CHAD: variants seen among roughly 807,000 people sequenced by gnomAD.
CHAD encodes the protein cartilage leucine-rich protein.
In CHAD, 18 loss-of-function variants were observed where a neutral mutation model predicts 24.0. The observed-to-expected ratio is 0.75, with a 90% CI of 0.52 to 1.11. The LOEUF is 1.11. CHAD is among the 50% of genes most tolerant of loss of function. The pLI is 0.00. For missense variants in CHAD, 440 were observed against 467.2 expected (o/e 0.94, Z 0.54); for synonymous variants, 195 against 211.6 (o/e 0.92, Z 0.68).
Position 50,464,772 on chromosome 17 carries a change from G to GGGC in CHAD, c.*281_*282insGCC, listed in dbSNP as rs1555611942. ...CCTGTTGTGGTTCTGATTGACTTGG[G>GGGC]GGGGGGGTCTCAGCAACAGCTTCTC... On this transcript the variant is annotated 3_prime_UTR_variant, in exon 4 of 4. Coordinates refer to ENST00000508540, the MANE Select transcript of CHAD (RefSeq NM_001267.3). 3.6e-5 allele frequency: 12 copies of GGGC among 329,954 alleles called. No individual in the cohort carries two copies. The highest frequency in any genetic ancestry group is 7.1e-5 in the Non-Finnish European group (12 of 169,704). 20.4% of individuals were successfully genotyped at this position (329,954 alleles called of 1,614,324 possible). A position where few individuals can be genotyped will look rare whatever the true frequency, so the allele number is the denominator to read the frequency against.
rs147638039 is a variant in CHAD, at chr17:50,468,249, C to T, written c.565G>A (p.Gly189Arg). The change falls in exon 1 of 4, where the codon GGG (glycine) becomes AGG (arginine). Residue 189 changes from glycine (G) to arginine (R), a missense_variant. Transcript: ENST00000508540. ...SENALSSLQP[G>R]ALDDVENLAK... ...AGGTTCTCCACGTCGTCCAGGGCCC[C>T]GGGCTGCAGGGAGCTCAACGCGTTT... The T allele has an allele frequency of 5.6e-6, 9 of 1,611,362 alleles. No homozygotes were observed. The East Asian group carries it at 1.1e-4, about 20-fold the overall frequency.
intron 1 of CHAD, among the ~76,000 whole-genome samples, chr17:50,467,026 AT>A (rs1456910520): frequency 6.6e-5 from 10 of 152,118 alleles, no homozygotes; most frequent in African/African-American, 2.4e-4. Flanking sequence ...TGTGGCCCAC[AT>A]TGAGGTATGA....
Position 50,465,376 on chromosome 17 carries a change from G to T in CHAD, c.1002C>A (p.Gly334=), listed in dbSNP as rs763544208. The change falls in exon 3 of 4, where the codon GGC becomes GGA. Residue 334 remains glycine (G), a synonymous_variant. Transcript: ENST00000508540. The part of the protein sequence containing the change: ...ATCASPAKFK[G]QHIRDTDAFR... ...AGGCGTCCGTGTCACGGATGTGCTG[G>T]CCCTTGAACTTGGCAGGTGAGGCAC... 3.7e-6 allele frequency: 6 copies of T among 1,613,920 alleles called. No homozygotes were observed. The African/African-American group carries it at 8.0e-5, about 22-fold the overall frequency.
At position 50,465,452 on chromosome 17, in the gene CHAD, A is replaced by C; in HGVS notation, c.939-13T>G. The C allele has an allele frequency of 6.2e-7, 1 of 1,613,420 alleles. No individual in the cohort carries two copies. The highest frequency in any genetic ancestry group is 8.5e-7 in the Non-Finnish European group (1 of 1,179,860). ...GGCTTCCAGCCACCTGGAGAGACAG[A>C]AACTTGCTGGGGCTGGGGAAGAAGG... On this transcript the variant is annotated splice_polypyrimidine_tract_variant and intron_variant, in intron 2 of 3. Transcript: ENST00000508540.
Position 50,465,367 on chromosome 17 carries a change from G to T in CHAD, c.1011C>A (p.Ile337=). The T allele has an allele frequency of 2.5e-6, 4 of 1,614,080 alleles. No individual in the cohort carries two copies. Among genetic ancestry groups the T allele is most frequent in the Non-Finnish European group, 3.4e-6 (4 of 1,180,030 alleles). ...AGCTGCGGAAGGCGTCCGTGTCACG[G>T]ATGTGCTGGCCCTTGAACTTGGCAG... The part of the protein sequence containing the change: ...ASPAKFKGQH[I]RDTDAFRSCK... Residue 337 remains isoleucine, a synonymous_variant, in exon 3 of 4, where the codon ATC becomes ATA. Transcript: ENST00000508540.
At chr17:50,465,670 A>G in intron 2 of CHAD, 37 bp downstream of exon 2, 1 of 1,610,548 alleles carries the variant, frequency 6.2e-7, no homozygotes, top group African/African-American at 1.3e-5. Flanking sequence ...CTATCACATG[A>G]GGGTGGGCTC....
At chr17:50,467,647 A>C (rs1277350429) in intron 1 of CHAD, among the ~76,000 whole-genome samples, 1 of 152,150 alleles carries the variant, frequency 6.6e-6, no homozygotes, top group African/African-American at 2.4e-5. Context: ...TCAATAAACA[A>C]ACCTTCCTTT....
In CHAD at chr17:50,468,222, C is replaced by T. The variant is rs558824127; in HGVS notation, c.592G>A (p.Ala198Thr). 32 of 1,612,748 alleles carry T rather than the reference C, an allele frequency of 2.0e-5. No individual in the cohort carries two copies. Among genetic ancestry groups the T allele is most frequent in the Middle Eastern group, 1.7e-4 (1 of 6,054 alleles). ...TGGTTCCTGTCCACGTGGAATTTGG[C>T]GAGGTTCTCCACGTCGTCCAGGGCC... ...PGALDDVENL[A>T]KFHVDRNQLS... The change falls in exon 1 of 4, where the codon GCC (alanine) becomes ACC (threonine). Residue 198 changes from alanine (A) to threonine (T), a missense_variant. Transcript: ENST00000508540.
At chr17:50,465,605 G>A (rs1285792737) in intron 2 of CHAD, 102 bp downstream of exon 2, 18 of 1,496,564 alleles carry the variant, frequency 1.2e-5, no homozygotes, top group Admixed American at 1.8e-5. Flanking sequence ...ATGCTTATTA[G>A]GTAGCAGATC....
rs752238955 is a variant in CHAD, at chr17:50,468,548, T to C, written c.266A>G (p.Glu89Gly). 2.7e-5 allele frequency: 44 copies of C among 1,614,224 alleles called. 1 individual carries two copies. In the Middle Eastern group the frequency reaches 8.3e-4, roughly 30 times the overall value. Residue 89 changes from glutamate (E) to glycine (G), a missense_variant, in exon 1 of 4, where the codon GAG (glutamate) becomes GGG (glycine). Transcript: ENST00000508540. ...GCCGCGGAAGGCACCGGCGGCCACC[T>C]CGCGGATCTGGCAGTGCTGCAGGTG... ...SLHLQHCQIR[E>G]VAAGAFRGLK...
Position 50,465,034 on chromosome 17 carries a change from C to G in CHAD, c.*20G>C. ...GGAAGGCAGAGGCCAGTCACCAGGA[C>G]TGGCTGGGTCAGAACCTGCAAAGAG... On this transcript the variant is annotated 3_prime_UTR_variant, in exon 4 of 4. Coordinates refer to ENST00000508540, the MANE Select transcript of CHAD (RefSeq NM_001267.3). 2.0e-6 allele frequency: 1 copy of G among 494,634 alleles called. No individual in the cohort carries two copies. Among genetic ancestry groups the G allele is most frequent in the East Asian group, 3.7e-5 (1 of 26,782 alleles). The allele number at this position is 494,634 out of a possible 1,614,324, so 30.6% of individuals were successfully genotyped here. A position where few individuals can be genotyped will look rare whatever the true frequency, so the allele number is the denominator to read the frequency against.
In CHAD at chr17:50,468,783, C is replaced by T. The variant is rs372652283; in HGVS notation, c.31G>A (p.Gly11Ser). 3 of 1,566,774 alleles carry T rather than the reference C, an allele frequency of 1.9e-6. No homozygotes were observed. The highest frequency in any genetic ancestry group is 2.4e-5 in the East Asian group (1 of 42,526). MVRPMLLLSL[G>S]LLAGLLPALA... is the part of the protein sequence containing the mutation. ...GCCGGCAGCAGACCAGCCAGGAGGC[C>T]GAGGCTGAGCAAGAGCATTGGGCGG... Residue 11 changes from glycine to serine, a missense_variant, in exon 1 of 4, where the codon GGC (glycine) becomes AGC (serine). Gly to Ser is a moderately conservative substitution (Grantham distance 56, BLOSUM62 0). Coordinates refer to ENST00000508540, the MANE Select transcript of CHAD (RefSeq NM_001267.3).
In CHAD at chr17:50,468,305, G is replaced by C. The variant is rs767896249; in HGVS notation, c.509C>G (p.Ala170Gly). ...RELRAGAFQG[A>G]KDLRWLYLSE... ...CAGGTAGAGCCAGCGCAGGTCCTTG[G>C]CTCCCTGGAAGGCGCCTGCGCGCAG... is the stretch of plus-strand genomic sequence containing the variant. The change falls in exon 1 of 4, where the codon GCC (alanine) becomes GGC (glycine). Residue 170 changes from alanine (A) to glycine (G), a missense_variant. Coordinates refer to ENST00000508540, the MANE Select transcript of CHAD (RefSeq NM_001267.3). 1 of 1,613,950 alleles carries C rather than the reference G, an allele frequency of 6.2e-7. No homozygotes were observed. The highest frequency in any genetic ancestry group is 1.1e-5 in the South Asian group (1 of 91,082).
Position 50,464,779 on chromosome 17 carries a change from G to GGGGGT in CHAD, c.*274_*275insACCCC. 3.8e-6 allele frequency: 1 copy of GGGGGT among 259,842 alleles called. No homozygotes were observed. The highest frequency in any genetic ancestry group is 7.4e-6 in the Non-Finnish European group (1 of 135,768). The allele number at this position is 259,842 out of a possible 1,614,324, so 16.1% of individuals were successfully genotyped here. A position where few individuals can be genotyped will look rare whatever the true frequency, so the allele number is the denominator to read the frequency against. On this transcript the variant is annotated 3_prime_UTR_variant, in exon 4 of 4. Transcript: ENST00000508540. ...TGGTTCTGATTGACTTGGGGGGGGG[G>GGGGGT]TCTCAGCAACAGCTTCTCCAAGAGG...
chr17:50,467,210 G>A (rs562460685), intron 1 of CHAD, among the ~76,000 whole-genome samples: 2 of 152,248 alleles, frequency 1.3e-5, no homozygotes, highest in Admixed American at 6.5e-5. Flanking sequence ...AGGAATGAGT[G>A]AGGATGCAGA....
intron 2 of CHAD, 58 bp downstream of exon 2, chr17:50,465,649 C>T: frequency 6.3e-7 from 1 of 1,594,406 alleles, no homozygotes; most frequent in Non-Finnish European, 8.6e-7. Flanking sequence ...TAGTGCAGGG[C>T]TAATGTGCCT....
In CHAD at chr17:50,468,448, C is replaced by A; in HGVS notation, c.366G>T (p.Leu122=). 1 of 1,614,048 alleles carries A rather than the reference C, an allele frequency of 6.2e-7. No homozygotes were observed. Among genetic ancestry groups the A allele is most frequent in the South Asian group, 1.1e-5 (1 of 91,070 alleles). ...CCAGGTAGAGGTAGGTCAGCTCGGT[C>A]AGGTCGTCGAAGGCACCTGCGCGCA... is the stretch of plus-strand genomic sequence containing the variant. ...RVLRAGAFDD[L]TELTYLYLDH... Residue 122 remains leucine (L), a synonymous_variant, in exon 1 of 4, where the codon CTG becomes CTT. Transcript: ENST00000508540.
At position 50,464,858 on chromosome 17, in the gene CHAD, C is replaced by T. The variant is rs939897601; in HGVS notation, c.*196G>A. ...TGGGGAGAGGCTCAGCCTTCCTTCTCCCCAGGACACTGCTGGGTGGAGCTG... is the reference window on the plus strand; with the variant it reads ...TGGGGAGAGGCTCAGCCTTCCTTCTTCCCAGGACACTGCTGGGTGGAGCTG... On this transcript the variant is annotated 3_prime_UTR_variant, in exon 4 of 4. Transcript: ENST00000508540. 9 of 357,686 alleles carry T rather than the reference C, an allele frequency of 2.5e-5. No homozygotes were observed. The highest frequency in any genetic ancestry group is 4.9e-5 in the Non-Finnish European group (9 of 182,784). 22.2% of individuals were successfully genotyped at this position (357,686 alleles called of 1,614,324 possible). A position where few individuals can be genotyped will look rare whatever the true frequency, so the allele number is the denominator to read the frequency against.
rs2032865270 is a variant in CHAD, at chr17:50,468,188, C to T, written c.626G>A (p.Ser209Asn). The part of the protein sequence containing the change: ...KFHVDRNQLS[S>N]YPSAALSKLR... Reference sequence around the variant, plus strand: ...CTTGCTCAGGGCAGCTGAGGGGTAGCTGGACAGCTGGTTCCTGTCCACGTG... The same window carrying T: ...CTTGCTCAGGGCAGCTGAGGGGTAGTTGGACAGCTGGTTCCTGTCCACGTG... The change falls in exon 1 of 4, where the codon AGC becomes AAC. Residue 209 changes from serine (S) to asparagine (N), a missense_variant. Transcript: ENST00000508540. 6.2e-7 allele frequency: 1 copy of T among 1,613,958 alleles called. No individual in the cohort carries two copies. The highest frequency in any genetic ancestry group is 1.3e-5 in the African/African-American group (1 of 74,938).
Sources: gnomAD v4.1 joint callset for allele counts (sites outside exome capture counted in the v4.1 genomes callset) on GRCh38, gnomAD v4.1.1 for gene constraint, MANE v1.5 for transcripts, NCBI Gene and HGNC (gene_info 2026-07-23, HGNC 2026-07-21) for gene names.